Variants in NFE2L2 observed in about 807,000 individuals in gnomAD.
NFE2L2 encodes the protein nuclear factor erythroid 2-related factor 2.
In NFE2L2, 20 loss-of-function variants were observed where a neutral mutation model predicts 49.6. The ratio of observed to expected loss-of-function variants is 0.40; its 90% confidence interval spans 0.28 to 0.59. The LOEUF is 0.59. NFE2L2 is among the 20% of genes least tolerant of loss of function. The probability of loss-of-function intolerance (pLI) is 0.40; values close to 1 mark genes in which losing one functional copy is unlikely to be tolerated. For synonymous variants in NFE2L2, 244 were observed against 256.5 expected, an observed-to-expected ratio of 0.95 and a Z score of 0.47; for missense variants, 578 against 714.2, an observed-to-expected ratio of 0.81 and a Z score of 2.17.
chr2:177,248,744 CT>C (rs1025202517), intron 1 of NFE2L2, among the ~76,000 whole-genome samples: 1 of 152,098 alleles, frequency 6.6e-6, no homozygotes, highest in African/African-American at 2.4e-5. Flanking sequence ...GAGGACTTTC[CT>C]TCTCCAACCC....
intron 1 of NFE2L2, among the ~76,000 whole-genome samples, chr2:177,259,441 C>T (rs1167488401): frequency 6.6e-6 from 1 of 152,162 alleles, no homozygotes; most frequent in African/African-American, 2.4e-5. Context: ...TTGCAACACA[C>T]AGGTATTATA....
At chr2:177,262,971 T>C (rs1690794493) in intron 1 of NFE2L2, among the ~76,000 whole-genome samples, 1 of 152,222 alleles carries the variant, frequency 6.6e-6, no homozygotes, top group African/African-American at 2.4e-5. Flanking sequence ...AAAAGCACAA[T>C]TAATACATTG....
At chr2:177,250,752 G>A (rs1182552020) in intron 1 of NFE2L2, among the ~76,000 whole-genome samples, 1 of 152,254 alleles carries the variant, frequency 6.6e-6, no homozygotes, top group Non-Finnish European at 1.5e-5. Flanking sequence ...AGGCTGCACA[G>A]TGCGATGTGC....
Position 177,230,704 on chromosome 2 carries a change from T to G in NFE2L2, c.*81A>C. On this transcript the variant is annotated 3_prime_UTR_variant, in exon 5 of 5. Transcript: ENST00000397062. ...TTTGCATAGAATTACTTATAAAGTA[T>G]GAGCATTTCACATCACAGTAGGAGC... 3.5e-5 allele frequency: 50 copies of G among 1,430,498 alleles called. No homozygotes were observed. Among genetic ancestry groups the G allele is most frequent in the East Asian group, 7.2e-5 (3 of 41,652 alleles). 88.6% of individuals were successfully genotyped at this position (1,430,498 alleles called of 1,614,324 possible).
intron 1 of NFE2L2, 98 bp downstream of exon 1, chr2:177,264,434 G>T: frequency 7.7e-7 from 1 of 1,298,802 alleles, no homozygotes. Flanking sequence ...CCAGACGTGG[G>T]GGAAGCCGGT....
At position 177,234,139 on chromosome 2, in the gene NFE2L2, C is replaced by G. The variant is rs1333348595; in HGVS notation, c.178G>C (p.Glu60Gln). 6.2e-7 allele frequency: 1 copy of G among 1,614,070 alleles called. No homozygotes were observed. The highest frequency in any genetic ancestry group is 8.5e-7 in the Non-Finnish European group (1 of 1,179,994). ...KQKKLEKERQEQLQKEQEKAF... is the reference protein window; with the variant it reads ...KQKKLEKERQQQLQKEQEKAF... Reference sequence around the variant, plus strand: ...TTCTCTTGCTCCTTTTGGAGTTGTTCTTGTCTTTCCTTTTCAAGTTTTTTC... The same window carrying G: ...TTCTCTTGCTCCTTTTGGAGTTGTTGTTGTCTTTCCTTTTCAAGTTTTTTC... The change falls in exon 2 of 5, where the codon GAA becomes CAA. Residue 60 changes from glutamate to glutamine, a missense_variant. Glu to Gln is a conservative substitution (Grantham distance 29). Transcript: ENST00000397062.
intron 1 of NFE2L2, among the ~76,000 whole-genome samples, chr2:177,235,092 G>A (rs1004964835): frequency 6.6e-6 from 1 of 151,684 alleles, no homozygotes; most frequent in African/African-American, 2.4e-5. Context: ...ACTCCAGCCT[G>A]GGCAACAGAG....
chr2:177,245,935 C>T (rs1690108255), intron 1 of NFE2L2, among the ~76,000 whole-genome samples: 1 of 152,112 alleles, frequency 6.6e-6, no homozygotes, highest in Non-Finnish European at 1.5e-5. Context: ...TAGATGAACA[C>T]GTTGAGGCTT....
chr2:177,263,895 A>G, intron 1 of NFE2L2: 1 of 985,416 alleles, frequency 1.0e-6, no homozygotes, highest in Non-Finnish European at 1.2e-6. Flanking sequence ...GGCTTTCAAG[A>G]GAGCTCAAGG....
intron 1 of NFE2L2, among the ~76,000 whole-genome samples, chr2:177,249,917 C>T (rs956442227): frequency 6.6e-6 from 1 of 152,176 alleles, no homozygotes; most frequent in African/African-American, 2.4e-5. Context: ...AGGGACAGTG[C>T]AGTATAAACC....
At chr2:177,241,884 A>G (rs1367869593) in intron 1 of NFE2L2, among the ~76,000 whole-genome samples, 4 of 152,196 alleles carry the variant, frequency 2.6e-5, no homozygotes, top group Non-Finnish European at 5.9e-5. Context: ...GATCTCCTTC[A>G]TTTACAAATC....
At chr2:177,242,181 T>C (rs1359276553) in intron 1 of NFE2L2, among the ~76,000 whole-genome samples, 6 of 152,182 alleles carry the variant, frequency 3.9e-5, no homozygotes, top group African/African-American at 1.4e-4. Context: ...AAGTAGGTGA[T>C]TAAAATACAG....
rs71007982 is a variant in NFE2L2 at position 177,249,217 on chromosome 2, CATAA to C, written c.46-14950_46-14947del. On this transcript the variant is annotated intron_variant, in intron 1 of 4. Coordinates refer to ENST00000397062, the MANE Select transcript of NFE2L2 (RefSeq NM_006164.5). ...CTAGGCCACAGCAATACCCGGTCTC[CATAA>C]ATAAATAAATAAATAAATAAATAAA... 4.8e-3 allele frequency among the ~76,000 whole-genome samples: 695 copies of C among 146,036 alleles called. 7 individuals carry two copies. Among genetic ancestry groups the C allele is most frequent in the African/African-American group, 0.016 (634 of 39,494 alleles).
At chr2:177,238,260 A>G (rs1689822769) in intron 1 of NFE2L2, among the ~76,000 whole-genome samples, 2 of 152,216 alleles carry the variant, frequency 1.3e-5, no homozygotes, top group African/African-American at 4.8e-5. Flanking sequence ...AACTGAAGCA[A>G]TTTAGGTTGC....
chr2:177,249,637 AATTTT>A (rs1690262826), intron 1 of NFE2L2, among the ~76,000 whole-genome samples: 1 of 152,230 alleles, frequency 6.6e-6, no homozygotes, highest in Non-Finnish European at 1.5e-5. Flanking sequence ...AAGTGAATTT[AATTTT>A]AACAATATAT....
At chr2:177,233,748 T>C (rs1689644711) in intron 2 of NFE2L2, 1 of 568,764 alleles carries the variant, frequency 1.8e-6, no homozygotes, top group Admixed American at 3.4e-5. Flanking sequence ...CCTTACAGGA[T>C]GTTTCTATAC....
At chr2:177,239,295 A>C (rs1466593913) in intron 1 of NFE2L2, among the ~76,000 whole-genome samples, 1 of 152,148 alleles carries the variant, frequency 6.6e-6, no homozygotes, top group African/African-American at 2.4e-5. Context: ...ATTGCTCTTC[A>C]TTAGGCTGGG....
At chr2:177,233,205 G>C in intron 3 of NFE2L2, 45 bp downstream of exon 3, 1 of 1,430,346 alleles carries the variant, frequency 7.0e-7, no homozygotes, top group Non-Finnish European at 9.6e-7. Flanking sequence ...TTATTTTATA[G>C]TTATGATGGA....
At chr2:177,237,149 T>G (rs1000402416) in intron 1 of NFE2L2, among the ~76,000 whole-genome samples, 6 of 152,158 alleles carry the variant, frequency 3.9e-5, no homozygotes, top group Admixed American at 3.3e-4. Flanking sequence ...CATGAACCAC[T>G]CCACTGTGCT....
Sources: gnomAD v4.1 joint callset for allele counts (sites outside exome capture counted in the v4.1 genomes callset) on GRCh38, gnomAD v4.1.1 for gene constraint, MANE v1.5 for transcripts, NCBI Gene and HGNC (gene_info 2026-07-23, HGNC 2026-07-21) for gene names.